Variants in VPS33B observed in about 807,000 individuals in gnomAD.
VPS33B encodes VPS33B late endosome and lysosome associated.
Under a neutral mutation model 95.3 loss-of-function variants are expected in VPS33B, and 80 were observed. The observed-to-expected ratio is 0.84, with a 90% confidence interval of 0.70 to 1.01. The LOEUF is 1.01. Ranked by LOEUF, VPS33B falls within the 50% of genes least tolerant of loss-of-function variation. VPS33B has a pLI of 0.00. For synonymous variants in VPS33B, 280 were observed against 280.4 expected (o/e 1.00, Z 0.01); for missense variants, 715 against 773.4 (o/e 0.92, Z 0.90).
Position 91,006,581 on chromosome 15 carries a change from G to A in VPS33B, c.778+71C>T. ...GGTCTGGGTCTCTCCCACAAACCCT[G>A]CCCCACGTGGGAGGTGCCAAGGCTG... On this transcript the variant is annotated intron_variant, in intron 10 of 22. Transcript: ENST00000333371. This position sits in a 1 kb window ranked among gnomAD's most constrained non-coding sequence, Gnocchi z 5.4. 2.5e-6 allele frequency: 4 copies of A among 1,608,298 alleles called. No homozygotes were observed. In the South Asian group the frequency reaches 4.4e-5, roughly 18 times the overall value.
At position 91,003,092 on chromosome 15, in the gene VPS33B, T is replaced by C. The variant is rs546316782; in HGVS notation, c.1265A>G (p.Tyr422Cys). The C allele has an allele frequency of 1.2e-6, 2 of 1,614,154 alleles. No individual in the cohort carries two copies. The highest frequency in any genetic ancestry group is 2.2e-5 in the East Asian group (1 of 44,884). ...PKDYRSLKTQ[Y>C]LQSYGPEHLL... ...ACATTCTCCAGGCCTTACCTGCAGA[T>C]ACTGTGTTTTCAGAGATCGGTAATC... is the stretch of plus-strand genomic sequence containing the variant. The change falls in exon 17 of 23, where the codon TAT becomes TGT. Residue 422 changes from tyrosine (Y) to cysteine (C), a missense_variant. Coordinates refer to ENST00000333371, the MANE Select transcript of VPS33B (RefSeq NM_018668.5).
Position 91,011,962 on chromosome 15 carries a change from C to A in VPS33B, c.357+1842G>T, listed in dbSNP as rs2040793278. 6.6e-6 allele frequency among the ~76,000 whole-genome samples: 1 copy of A among 151,642 alleles called. No homozygotes were observed. The highest frequency in any genetic ancestry group is 6.6e-5 in the Admixed American group (1 of 15,206). ...CGAGATTGCGGCACTGCACTCCAGT[C>A]TGGGTGACAGAGCAATGCACTGTCT... is the stretch of plus-strand genomic sequence containing the variant. On this transcript the variant is annotated intron_variant, in intron 5 of 22. Coordinates refer to ENST00000333371, the MANE Select transcript of VPS33B (RefSeq NM_018668.5). The surrounding 1 kb of genome is among the most constrained non-coding windows in gnomAD (Gnocchi z 5.5).
At chr15:91,020,974 C>T (rs1470994875) in intron 1 of VPS33B, among the ~76,000 whole-genome samples, 3 of 152,190 alleles carry the variant, frequency 2.0e-5, no homozygotes, top group African/African-American at 4.8e-5. Flanking sequence ...CCTCACAATG[C>T]AGCTGCAGTT....
intron 3 of VPS33B, among the ~76,000 whole-genome samples, chr15:91,014,926 A>C (rs1596367288): frequency 6.6e-6 from 1 of 152,098 alleles, no homozygotes; most frequent in African/African-American, 2.4e-5. Flanking sequence ...ATCTCTATTA[A>C]AAATAATAAT....
Position 90,998,827 on chromosome 15 carries a change from T to C in VPS33B, c.*148A>G, listed in dbSNP as rs2040346311. 1.2e-6 allele frequency: 1 copy of C among 822,634 alleles called. No homozygotes were observed. The allele number at this position is 822,634 out of a possible 1,614,324, so 51.0% of individuals were successfully genotyped here. ...GCAGGAAGTGAACTCTTTTCTCAGA[T>C]AATGTTCTCTAAATCCCAACACGTT... On this transcript the variant is annotated 3_prime_UTR_variant, in exon 23 of 23. Transcript: ENST00000333371. The surrounding 1 kb of genome is among the most constrained non-coding windows in gnomAD (Gnocchi z 4.8).
Position 91,013,855 on chromosome 15 carries a change from G to A in VPS33B, c.306C>T (p.Asp102=), listed in dbSNP as rs1159872818. ...MRYIASLVNA[D]KLAGRTRKYK... is the part of the protein sequence containing the mutation. ...ATTTGCGAGTTCGGCCAGCCAATTTGTCAGCATTGACAAGACCTACAGAGA... is the reference window on the plus strand; with the variant it reads ...ATTTGCGAGTTCGGCCAGCCAATTTATCAGCATTGACAAGACCTACAGAGA... Residue 102 remains aspartate, a synonymous_variant, in exon 5 of 23, where the codon GAC becomes GAT. Transcript: ENST00000333371. The surrounding 1 kb of genome is among the most constrained non-coding windows in gnomAD (Gnocchi z 4.5). 2 of 1,613,978 alleles carry A rather than the reference G, an allele frequency of 1.2e-6. No individual in the cohort carries two copies. Among genetic ancestry groups the A allele is most frequent in the Non-Finnish European group, 1.7e-6 (2 of 1,180,010 alleles).
chr15:90,999,511 G>C lies in VPS33B; in HGVS notation c.1774+166C>G, dbSNP rs545816104. On this transcript the variant is annotated intron_variant, in intron 22 of 22. Coordinates refer to ENST00000333371, the MANE Select transcript of VPS33B (RefSeq NM_018668.5). This position sits in a 1 kb window ranked among gnomAD's most constrained non-coding sequence, Gnocchi z 5.1. ...TTTTTGTATTTTTCGTAGAGATGGG[G>C]TTTCACCATGTTGGTCAGGCTAGGC... is the stretch of plus-strand genomic sequence containing the variant. 8 of 768,652 alleles carry C rather than the reference G, an allele frequency of 1.0e-5. No homozygotes were observed. In the South Asian group the frequency reaches 1.1e-4, roughly 11 times the overall value. 47.6% of individuals were successfully genotyped at this position (768,652 alleles called of 1,614,324 possible). A position where few individuals can be genotyped will look rare whatever the true frequency, so the allele number is the denominator to read the frequency against.
chr15:91,005,001 C>T lies in VPS33B; in HGVS notation c.1170+54G>A, dbSNP rs2040557978. ...CGTGTTCTTTTCCTTCTGCTTAAGG[C>T]CGACCCCACCTCTAAATGCCATTCT... On this transcript the variant is annotated intron_variant, in intron 15 of 22. Coordinates refer to ENST00000333371, the MANE Select transcript of VPS33B (RefSeq NM_018668.5). The surrounding 1 kb of genome is among the most constrained non-coding windows in gnomAD (Gnocchi z 6.4). 1.9e-6 allele frequency: 3 copies of T among 1,614,156 alleles called. No individual in the cohort carries two copies. Among genetic ancestry groups the T allele is most frequent in the Middle Eastern group, 1.6e-4 (1 of 6,062 alleles).
At position 91,006,934 on chromosome 15, in the gene VPS33B, G is replaced by A. The variant is rs370462317; in HGVS notation, c.700+16C>T. 567 of 1,613,666 alleles carry A rather than the reference G, an allele frequency of 3.5e-4. 5 individuals are homozygous for A. The South Asian group carries it at 5.7e-3, about 16-fold the overall frequency. On this transcript the variant is annotated intron_variant, in intron 9 of 22. Coordinates refer to ENST00000333371, the MANE Select transcript of VPS33B (RefSeq NM_018668.5). This position sits in a 1 kb window ranked among gnomAD's most constrained non-coding sequence, Gnocchi z 5.4. ...TCTAGGGCTGAAAGATGACAGGAAC[G>A]CTGGGCATAATTTACCTCTGTCCAA...
chr15:91,000,002 A>G lies in VPS33B; in HGVS notation c.1582-27T>C. 6.2e-7 allele frequency: 1 copy of G among 1,613,814 alleles called. No homozygotes were observed. The highest frequency in any genetic ancestry group is 8.5e-7 in the Non-Finnish European group (1 of 1,179,864). On this transcript the variant is annotated intron_variant, in intron 20 of 22. Transcript: ENST00000333371. This position sits in a 1 kb window ranked among gnomAD's most constrained non-coding sequence, Gnocchi z 4.9. ...TGGGAAGGTGTAAGCACTGTTTTTA[A>G]GGCTACAGACAGTATCAGGCTTAGG...
chr15:91,007,989 T>A lies in VPS33B; in HGVS notation c.404-25A>T, dbSNP rs1421498882. 1 of 1,611,422 alleles carries A rather than the reference T, an allele frequency of 6.2e-7. No homozygotes were observed. Among genetic ancestry groups the A allele is most frequent in the South Asian group, 1.1e-5 (1 of 91,014 alleles). On this transcript the variant is annotated intron_variant, in intron 6 of 22. Transcript: ENST00000333371. This position sits in a 1 kb window ranked among gnomAD's most constrained non-coding sequence, Gnocchi z 5.3. Reference sequence around the variant, plus strand: ...TCTGTGGGGACAGAGAGCATCAGCCTCCCTGCAGAAGGTACTTAGCTCCAC... The same window carrying A: ...TCTGTGGGGACAGAGAGCATCAGCCACCCTGCAGAAGGTACTTAGCTCCAC...
Position 91,007,838 on chromosome 15 carries a change from T to C in VPS33B, c.498+32A>G. On this transcript the variant is annotated intron_variant, in intron 7 of 22. Transcript: ENST00000333371. This position sits in a 1 kb window ranked among gnomAD's most constrained non-coding sequence, Gnocchi z 5.3. ...GCATCCCACATTTGTCCCCATCCCCTGATGCCAAGACACAAGGGCCTCTGC... is the reference window on the plus strand; with the variant it reads ...GCATCCCACATTTGTCCCCATCCCCCGATGCCAAGACACAAGGGCCTCTGC... 1 of 1,600,868 alleles carries C rather than the reference T, an allele frequency of 6.2e-7. No individual in the cohort carries two copies. The highest frequency in any genetic ancestry group is 8.6e-7 in the Non-Finnish European group (1 of 1,168,016).
rs1478474485 is a variant in VPS33B, at chr15:90,999,136, C to A, written c.1775-82G>T. 1 of 1,308,902 alleles carries A rather than the reference C, an allele frequency of 7.6e-7. No individual in the cohort carries two copies. The highest frequency in any genetic ancestry group is 1.1e-6 in the Non-Finnish European group (1 of 914,362). The allele number at this position is 1,308,902 out of a possible 1,614,324, so 81.1% of individuals were successfully genotyped here. A position where few individuals can be genotyped will look rare whatever the true frequency, so the allele number is the denominator to read the frequency against. ...AACCCATAGAGCCTCTCCAGTTCCA[C>A]AGTCCCCACGGGATCACAGCACCAG... On this transcript the variant is annotated intron_variant, in intron 22 of 22. Transcript: ENST00000333371. The surrounding 1 kb of genome is among the most constrained non-coding windows in gnomAD (Gnocchi z 5.1).
rs564878482 is a variant in VPS33B at position 90,999,009 on chromosome 15, C to T, written c.1820G>A (p.Arg607His). ...CACCTCACTCATGGCCTCCATAAGGCGAGCGCTGTTTGTGACTGCTGTCGT... is the reference window on the plus strand; with the variant it reads ...CACCTCACTCATGGCCTCCATAAGGTGAGCGCTGTTTGTGACTGCTGTCGT... ...FLTTAVTNSA[R>H]LMEAMSEVKA is the part of the protein sequence containing the mutation. Residue 607 changes from arginine (R) to histidine (H), a missense_variant, in exon 23 of 23, where the codon CGC becomes CAC. By Grantham distance (29) the Arg-to-His change is conservative (BLOSUM62 0). Coordinates refer to ENST00000333371, the MANE Select transcript of VPS33B (RefSeq NM_018668.5). The surrounding 1 kb of genome is among the most constrained non-coding windows in gnomAD (Gnocchi z 5.1). The T allele has an allele frequency of 1.1e-5, 17 of 1,614,150 alleles. No homozygotes were observed. Among genetic ancestry groups the T allele is most frequent in the Admixed American group, 1.0e-4 (6 of 60,020 alleles).
At chr15:91,017,961 A>T in intron 1 of VPS33B, 76 bp from the exon 2 acceptor site, 1 of 1,361,932 alleles carries the variant, frequency 7.3e-7, no homozygotes, top group Non-Finnish European at 1.0e-6. Flanking sequence ...CCAGCCACCC[A>T]TCTAACAGAA....
In VPS33B at chr15:91,005,200, ATC is replaced by A; in HGVS notation, c.1106-83_1106-82del. 4 of 1,613,056 alleles carry A rather than the reference ATC, an allele frequency of 2.5e-6. No homozygotes were observed. Among genetic ancestry groups the A allele is most frequent in the Non-Finnish European group, 3.4e-6 (4 of 1,179,834 alleles). Reference sequence around the variant, plus strand: ...TATGCTAACAGGTGTCTGTCTCCCCATCTCTTTCTCCATCCTTGGGGTGGGTT... The same window carrying A: ...TATGCTAACAGGTGTCTGTCTCCCCATCTTTCTCCATCCTTGGGGTGGGTT... On this transcript the variant is annotated intron_variant, in intron 14 of 22. Transcript: ENST00000333371. The surrounding 1 kb of genome is among the most constrained non-coding windows in gnomAD (Gnocchi z 6.4).
At chr15:91,008,958 G>A (rs2040696085) in intron 6 of VPS33B, among the ~76,000 whole-genome samples, 1 of 152,162 alleles carries the variant, frequency 6.6e-6, no homozygotes, top group South Asian at 2.1e-4. Context: ...TCAGGAGAAG[G>A]AAGCAGCACA....
At chr15:91,012,987 G>A (rs1596364830) in intron 5 of VPS33B, among the ~76,000 whole-genome samples, 1 of 152,192 alleles carries the variant, frequency 6.6e-6, no homozygotes, top group African/African-American at 2.4e-5. Context: ...CATGGTTCTA[G>A]TAACCCAGGG....
In VPS33B at chr15:91,007,974, CAG is replaced by C; in HGVS notation, c.404-12_404-11del. The C allele has an allele frequency of 6.2e-7, 1 of 1,613,700 alleles. No homozygotes were observed. The highest frequency in any genetic ancestry group is 8.5e-7 in the Non-Finnish European group (1 of 1,179,600). On this transcript the variant is annotated splice_polypyrimidine_tract_variant and intron_variant, in intron 6 of 22. Coordinates refer to ENST00000333371, the MANE Select transcript of VPS33B (RefSeq NM_018668.5). The surrounding 1 kb of genome is among the most constrained non-coding windows in gnomAD (Gnocchi z 5.3). ...TCATCACAGCTCACATCTGTGGGGA[CAG>C]AGAGCATCAGCCTCCCTGCAGAAGG...
Sources: allele counts gnomAD v4.1 joint callset (sites outside exome capture counted in the v4.1 genomes callset), GRCh38; gene constraint gnomAD v4.1.1; non-coding constraint Gnocchi (gnomAD v3.1); transcripts MANE v1.5; gene names NCBI Gene and HGNC (gene_info 2026-07-23, HGNC 2026-07-21).